Variants in ARB2A observed in about 807,000 individuals in gnomAD.
ARB2A encodes cotranscriptional regulator ARB2A.
At chr5:93,729,661 T>C in the ARB2A span, among the ~76,000 whole-genome samples, 5 of 152,156 alleles carry the variant, frequency 3.3e-5, no homozygotes, top group Non-Finnish European at 1.5e-5. Context: ...CAATTGCTTA[T>C]AGTTTTAAAA....
At chr5:93,798,431 T>C in the ARB2A span, among the ~76,000 whole-genome samples, 2 of 152,028 alleles carry the variant, frequency 1.3e-5, no homozygotes, top group African/African-American at 4.8e-5. Flanking sequence ...TGGGAGTGGG[T>C]GGGTTAGACT....
the ARB2A span, among the ~76,000 whole-genome samples, chr5:94,037,116 T>C: frequency 6.6e-6 from 1 of 152,192 alleles, no homozygotes; most frequent in Non-Finnish European, 1.5e-5. Flanking sequence ...GCGCTTTGCA[T>C]TCTGTTCAGT....
At chr5:93,824,247 T>C in the ARB2A span, 2 of 1,587,372 alleles carry the variant, frequency 1.3e-6, no homozygotes, top group Non-Finnish European at 8.6e-7. Flanking sequence ...AGATTGCATG[T>C]TCTTCAGGAG....
the ARB2A span, among the ~76,000 whole-genome samples, chr5:93,752,750 ATTCT>A: frequency 6.6e-6 from 1 of 152,196 alleles, no homozygotes; most frequent in Non-Finnish European, 1.5e-5. Flanking sequence ...ATCTTAAATG[ATTCT>A]TTAATTAATA....
the ARB2A span, among the ~76,000 whole-genome samples, chr5:93,934,773 AG>A: frequency 6.6e-6 from 1 of 152,190 alleles, no homozygotes; most frequent in East Asian, 1.9e-4. Context: ...AGCCATACTC[AG>A]GGGGAAAGAG....
the ARB2A span, among the ~76,000 whole-genome samples, chr5:93,959,708 T>C: frequency 1.3e-5 from 2 of 152,228 alleles, no homozygotes; most frequent in Admixed American, 1.3e-4. Flanking sequence ...ACTTACTTTA[T>C]AAACTAGTTA....
the ARB2A span, among the ~76,000 whole-genome samples, chr5:93,767,993 C>CAAAAAAA: frequency 9.5e-5 from 2 of 20,956 alleles, no homozygotes; most frequent in East Asian, 1.9e-3. Flanking sequence ...GACTCCATCT[C>CAAAAAAA]AAAAAAAAAA....
chr5:93,947,531 T>A, the ARB2A span, among the ~76,000 whole-genome samples: 10 of 151,840 alleles, frequency 6.6e-5, no homozygotes, highest in Non-Finnish European at 1.3e-4. Flanking sequence ...TTATTATTAT[T>A]ATACTTTAAG....
the ARB2A span, among the ~76,000 whole-genome samples, chr5:93,854,618 C>T: frequency 2.0e-5 from 3 of 152,212 alleles, no homozygotes; most frequent in African/African-American, 7.2e-5. Context: ...CCTCTACACA[C>T]TGCTTTGAAT....
the ARB2A span, among the ~76,000 whole-genome samples, chr5:94,076,983 T>C: frequency 6.6e-6 from 1 of 152,158 alleles, no homozygotes; most frequent in Non-Finnish European, 1.5e-5. Context: ...TGATTCACTT[T>C]CAAGATTCTG....
chr5:94,033,306 C>G, the ARB2A span, among the ~76,000 whole-genome samples: 1 of 152,168 alleles, frequency 6.6e-6, no homozygotes, highest in Non-Finnish European at 1.5e-5. Flanking sequence ...TACAGGCTCA[C>G]AACCAGAAGG....
At chr5:93,729,807 A>G in the ARB2A span, among the ~76,000 whole-genome samples, 3 of 152,156 alleles carry the variant, frequency 2.0e-5, no homozygotes, top group Admixed American at 2.0e-4. Flanking sequence ...TAAACATGCT[A>G]AAGATTTATA....
At chr5:93,946,502 A>G in the ARB2A span, among the ~76,000 whole-genome samples, 2 of 152,216 alleles carry the variant, frequency 1.3e-5, no homozygotes, top group African/African-American at 4.8e-5. Context: ...AAAAGCAATC[A>G]TATTATCTAC....
the ARB2A span, among the ~76,000 whole-genome samples, chr5:93,695,380 G>C: frequency 2.6e-5 from 4 of 152,160 alleles, no homozygotes; most frequent in African/African-American, 9.7e-5. Context: ...TGAAGGATAT[G>C]AACAGACACT....
At chr5:94,057,389 G>C in the ARB2A span, among the ~76,000 whole-genome samples, 4 of 152,266 alleles carry the variant, frequency 2.6e-5, no homozygotes, top group African/African-American at 9.6e-5. Context: ...TGGGCAGAGA[G>C]GGGAATAGGG....
the ARB2A span, among the ~76,000 whole-genome samples, chr5:93,843,777 A>T: frequency 1.3e-5 from 2 of 152,184 alleles, no homozygotes; most frequent in Non-Finnish European, 2.9e-5. Flanking sequence ...CTCCCAGAAG[A>T]AGATATGAAA....
At chr5:93,642,193 G>A in the ARB2A span, among the ~76,000 whole-genome samples, 3 of 151,214 alleles carry the variant, frequency 2.0e-5, no homozygotes, top group Admixed American at 6.6e-5. Context: ...ATGTTGCCTA[G>A]GCTTTTTTTT....
chr5:93,973,153 G>GA, the ARB2A span, among the ~76,000 whole-genome samples: 9 of 107,476 alleles, frequency 8.4e-5, no homozygotes, highest in African/African-American at 2.9e-4. Context: ...GTCTCACTAT[G>GA]TTGGCCAGGC....
the ARB2A span, chr5:93,740,918 T>C: frequency 6.2e-7 from 1 of 1,614,006 alleles, no homozygotes; most frequent in Non-Finnish European, 8.5e-7. Context: ...CGCTCTCTGC[T>C]TGCCCGTCTC....
Sources: allele counts gnomAD v4.1 joint callset (sites outside exome capture counted in the v4.1 genomes callset), GRCh38; gene constraint gnomAD v4.1.1; transcripts MANE v1.5; gene names NCBI Gene and HGNC (gene_info 2026-07-23, HGNC 2026-07-21).